Variants in CCDC88B observed in about 807,000 individuals in gnomAD.
CCDC88B encodes coiled-coil and HOOK domain protein 88B.
A neutral mutation model predicts 183.7 loss-of-function variants in CCDC88B; 138 were observed. The observed-to-expected ratio is 0.75, with a 90% CI of 0.65 to 0.87. CCDC88B has a LOEUF of 0.87. Ranked by LOEUF, CCDC88B falls within the 40% of genes least tolerant of loss-of-function variation. CCDC88B has a pLI of 0.00. For synonymous variants in CCDC88B, 835 were observed against 867.5 expected (o/e 0.96, Z 0.66); for missense variants, 1,822 against 1,965.6 (o/e 0.93, Z 1.38).
intron 14 of CCDC88B, chr11:64,348,916 C>T (rs993469598): frequency 2.4e-5 from 16 of 675,714 alleles, no homozygotes; most frequent in African/African-American, 1.4e-4. Flanking sequence ...GTGGCCTTTT[C>T]CCTGTAGCCA....
intron 12 of CCDC88B, 53 bp downstream of exon 12, chr11:64,343,668 A>C: frequency 1.9e-6 from 3 of 1,546,608 alleles, no homozygotes; most frequent in Non-Finnish European, 1.7e-6. Flanking sequence ...GCTTTCCAGC[A>C]GTGTACTGGG....
chr11:64,343,023 G>A (rs1461997382), intron 10 of CCDC88B, among the ~76,000 whole-genome samples, 156 bp from the exon 11 acceptor site: 2 of 150,942 alleles, frequency 1.3e-5, no homozygotes, highest in Non-Finnish European at 3.0e-5. Context: ...GTGGGAAGAA[G>A]ATGGAAGGGA....
At chr11:64,346,648 G>T (rs2036118601) in intron 14 of CCDC88B, among the ~76,000 whole-genome samples, 1 of 151,980 alleles carries the variant, frequency 6.6e-6, no homozygotes, top group Non-Finnish European at 1.5e-5. Flanking sequence ...CACCATGTTA[G>T]CCAGGATGGT....
In CCDC88B at chr11:64,344,675, G is replaced by A; in HGVS notation, c.2134G>A (p.Glu712Lys). 1 of 1,614,114 alleles carries A rather than the reference G, an allele frequency of 6.2e-7. No homozygotes were observed. Among genetic ancestry groups the A allele is most frequent in the Non-Finnish European group, 8.5e-7 (1 of 1,180,010 alleles). The change falls in exon 14 of 27, where the codon GAA becomes AAA. Residue 712 changes from glutamate to lysine, a missense_variant. Transcript: ENST00000356786. This position sits in a 1 kb window ranked among gnomAD's most constrained non-coding sequence, Gnocchi z 4.5. ...AGGGGCTCTTGAGGTCCAGGTCTGG[G>A]AAGGCCCAATCCCAGGGGAGAGCCT... is the stretch of plus-strand genomic sequence containing the variant. ...SEGALEVQVW[E>K]GPIPGESLAS...
chr11:64,345,991 C>T (rs2036091437), intron 14 of CCDC88B, among the ~76,000 whole-genome samples: 1 of 152,092 alleles, frequency 6.6e-6, no homozygotes, highest in Admixed American at 6.6e-5. Flanking sequence ...GGCGACAGAG[C>T]GAGACTGTCT....
intron 14 of CCDC88B, chr11:64,349,130 A>T: frequency 1.4e-6 from 1 of 738,440 alleles, no homozygotes; most frequent in Non-Finnish European, 2.4e-6. Flanking sequence ...CAGGCTTACA[A>T]CACCCAGCTC....
chr11:64,348,686 C>A, intron 14 of CCDC88B: 1 of 390,276 alleles, frequency 2.6e-6, no homozygotes, highest in Admixed American at 4.5e-5. Context: ...TCATGGGCAG[C>A]TGTCCCCGAA....
chr11:64,340,733 C>T lies in CCDC88B; in HGVS notation c.187C>T (p.Leu63Phe), dbSNP rs1404964865. The T allele has an allele frequency of 6.2e-7, 1 of 1,611,288 alleles. No homozygotes were observed. The highest frequency in any genetic ancestry group is 8.5e-7 in the Non-Finnish European group (1 of 1,179,250). ...GCGCCTCAGCGATGGGGCCCTGCTC[C>T]TCCGGGTGCTGGGCATCATGTAAGG... is the stretch of plus-strand genomic sequence containing the variant. ...FLRLSDGALL[L>F]RVLGIIAPSS... Residue 63 changes from leucine to phenylalanine, a missense_variant, in exon 2 of 27, where the codon CTC becomes TTC. Coordinates refer to ENST00000356786, the MANE Select transcript of CCDC88B (RefSeq NM_032251.6).
At chr11:64,341,902 A>C in intron 7 of CCDC88B, 92 bp from the exon 8 acceptor site, 2 of 801,246 alleles carry the variant, frequency 2.5e-6, no homozygotes, top group Non-Finnish European at 3.5e-6. Flanking sequence ...CCAAGACCCC[A>C]GACCACAACC....
intron 17 of CCDC88B, 91 bp downstream of exon 17, chr11:64,351,346 T>C (rs2036322549): frequency 6.7e-7 from 1 of 1,498,456 alleles, no homozygotes. Flanking sequence ...GGGTATCCCG[T>C]GCAGTGTGAG....
intron 24 of CCDC88B, 45 bp from the exon 25 acceptor site, chr11:64,355,149 T>G: frequency 8.7e-7 from 1 of 1,152,544 alleles, no homozygotes; most frequent in African/African-American, 2.3e-5. Flanking sequence ...GAGCCTCAGC[T>G]CCCGTCCCCT....
rs781216680 is a variant in CCDC88B, at chr11:64,353,736, C to T, written c.3855C>T (p.Arg1285=). 4 of 1,613,978 alleles carry T rather than the reference C, an allele frequency of 2.5e-6. No homozygotes were observed. In the African/African-American group the frequency reaches 5.3e-5, roughly 22 times the overall value. ...CCAGGGACCAGCTTAATGCCCTGCGCCGCGAGAAGCAGAAGCTCGTGGAGA... is the reference window on the plus strand; with the variant it reads ...CCAGGGACCAGCTTAATGCCCTGCGTCGCGAGAAGCAGAAGCTCGTGGAGA... The part of the protein sequence containing the change: ...REYLDQLNAL[R]REKQKLVEKI... Residue 1285 remains arginine, a synonymous_variant, in exon 23 of 27, where the codon CGC becomes CGT. Coordinates refer to ENST00000356786, the MANE Select transcript of CCDC88B (RefSeq NM_032251.6).
intron 11 of CCDC88B, 87 bp from the exon 12 acceptor site, chr11:64,343,420 T>A: frequency 6.5e-7 from 1 of 1,540,212 alleles, no homozygotes; most frequent in Non-Finnish European, 8.8e-7. Context: ...CAACCTCTGC[T>A]CTTGGTGACC....
intron 26 of CCDC88B, 116 bp from the exon 27 acceptor site, chr11:64,356,923 A>G: frequency 1.0e-6 from 1 of 967,628 alleles, no homozygotes; most frequent in Non-Finnish European, 1.6e-6. Context: ...GTGCAGCTGG[A>G]AGCGGGGGGT....
In CCDC88B at chr11:64,340,992, TG is replaced by T. The variant is rs765802311; in HGVS notation, c.296del (p.Gly99AlafsTer3). 6.2e-6 allele frequency: 10 copies of T among 1,608,374 alleles called. No individual in the cohort carries two copies. Among genetic ancestry groups the T allele is most frequent in the Non-Finnish European group, 8.5e-6 (10 of 1,176,896 alleles). Reference sequence around the variant, plus strand: ...GCGAGTGTGGAACCTGAACCACCTGTGGGGCCGACTGAGGGACTTCTACCAG... The same window carrying T: ...GCGAGTGTGGAACCTGAACCACCTGTGGGCCGACTGAGGGACTTCTACCAG... ...AWRVWNLNHL[W>X]GRLRDFYQEE... is the part of the protein sequence containing the mutation. On this transcript the variant is annotated frameshift_variant, in exon 3 of 27. Coordinates refer to ENST00000356786, the MANE Select transcript of CCDC88B (RefSeq NM_032251.6). LOFTEE classifies it high-confidence loss of function.
chr11:64,355,232 TC>T lies in CCDC88B; in HGVS notation c.4141del (p.Leu1381SerfsTer228). On this transcript the variant is annotated frameshift_variant, in exon 25 of 27. Transcript: ENST00000356786. LOFTEE classifies it high-confidence loss of function. ...SPAPMRRAQS[S>X]LCLRDETLAG... is the part of the protein sequence containing the mutation. ...GGCACCCATGCGCCGGGCCCAGAGC[TC>T]CCTCTGCCTGCGGGATGAGACCTTG... 6.6e-7 allele frequency: 1 copy of T among 1,516,398 alleles called. No individual in the cohort carries two copies. Among genetic ancestry groups the T allele is most frequent in the Non-Finnish European group, 8.8e-7 (1 of 1,136,308 alleles). The allele number at this position is 1,516,398 out of a possible 1,614,324, so 93.9% of individuals were successfully genotyped here. A position where few individuals can be genotyped will look rare whatever the true frequency, so the allele number is the denominator to read the frequency against.
Position 64,341,643 on chromosome 11 carries a change from A to G in CCDC88B, c.576A>G (p.Pro192=), listed in dbSNP as rs1271105582. The part of the protein sequence containing the change: ...GAGVVLALSG[P]DPGELAPAEL... ...GCGTGGTGCTGGCACTGTCTGGGCC[A>G]GATCCTGGGGAGCTGGCACCTGCCG... is the stretch of plus-strand genomic sequence containing the variant. The change falls in exon 7 of 27, where the codon CCA becomes CCG. Residue 192 remains proline (P), a synonymous_variant. Coordinates refer to ENST00000356786, the MANE Select transcript of CCDC88B (RefSeq NM_032251.6). The G allele has an allele frequency of 6.2e-7, 1 of 1,607,028 alleles. No individual in the cohort carries two copies. The highest frequency in any genetic ancestry group is 8.5e-7 in the Non-Finnish European group (1 of 1,176,920).
At position 64,344,877 on chromosome 11, in the gene CCDC88B, C is replaced by A; in HGVS notation, c.2336C>A (p.Ala779Asp). The change falls in exon 14 of 27, where the codon GCC becomes GAC. Residue 779 changes from alanine to aspartate, a missense_variant. Ala to Asp is a moderately radical substitution (Grantham distance 126). Coordinates refer to ENST00000356786, the MANE Select transcript of CCDC88B (RefSeq NM_032251.6). The surrounding 1 kb of genome is among the most constrained non-coding windows in gnomAD (Gnocchi z 4.5). ...LAQARRAEAE[A>D]HREAEAQAWE... ...CAAGCGCGAAGGGCAGAGGCCGAGG[C>A]CCACCGGGAGGCAGAGGCCCAGGCC... is the stretch of plus-strand genomic sequence containing the variant. The A allele has an allele frequency of 6.2e-7, 1 of 1,601,876 alleles. No homozygotes were observed. Among genetic ancestry groups the A allele is most frequent in the African/African-American group, 1.3e-5 (1 of 74,752 alleles).
rs1419031345 is a variant in CCDC88B, at chr11:64,342,039, C to G, written c.721C>G (p.Pro241Ala). ...GGAGCGAGAACCCCTCTGCTTGAGG[C>G]CTGAGGCTCCCTCTAGGGCTCCCGC... ...LLEREPLCLR[P>A]EAPSRAPAEG... Residue 241 changes from proline (P) to alanine (A), a missense_variant, in exon 8 of 27, where the codon CCT becomes GCT. Pro to Ala is a conservative substitution (Grantham distance 27). Coordinates refer to ENST00000356786, the MANE Select transcript of CCDC88B (RefSeq NM_032251.6). The G allele has an allele frequency of 1.2e-6, 2 of 1,612,530 alleles. No individual in the cohort carries two copies. Among genetic ancestry groups the G allele is most frequent in the South Asian group, 2.2e-5 (2 of 91,070 alleles).
Sources: allele counts gnomAD v4.1 joint callset (sites outside exome capture counted in the v4.1 genomes callset), GRCh38; gene constraint gnomAD v4.1.1; non-coding constraint Gnocchi (gnomAD v3.1); transcripts MANE v1.5; gene names NCBI Gene and HGNC (gene_info 2026-07-23, HGNC 2026-07-21).